DAPK1: variants seen among roughly 807,000 people sequenced by gnomAD.
DAPK1 encodes death associated protein kinase 1, also known as death-associated protein kinase 1.
DAPK1 carries 56 observed loss-of-function variants against 144.9 expected under a neutral mutation model. That is an observed-to-expected ratio of 0.39 (90% CI 0.31 to 0.48). DAPK1 has a LOEUF of 0.48. Ranked by LOEUF, DAPK1 falls within the 20% of genes least tolerant of loss-of-function variation. The probability of loss-of-function intolerance (pLI) is 0.95; values close to 1 mark genes in which losing one functional copy is unlikely to be tolerated. For synonymous variants in DAPK1, 690 were observed against 749.0 expected (o/e 0.92, Z 1.29); for missense variants, 1,454 against 1,875.4 (o/e 0.78, Z 4.15).
chr9:87,664,201 C>A (rs1004328932), intron 18 of DAPK1, among the ~76,000 whole-genome samples: 1 of 152,156 alleles, frequency 6.6e-6, no homozygotes, highest in Admixed American at 6.5e-5. Context: ...CCTCCCCTTC[C>A]CCTCTTCTCC....
At chr9:87,511,698 G>A (rs865992310) in intron 2 of DAPK1, among the ~76,000 whole-genome samples, 5 of 135,972 alleles carry the variant, frequency 3.7e-5, no homozygotes, top group Admixed American at 7.5e-5. Flanking sequence ...GTGTGTGTGT[G>A]TGTGTGTCTG....
At chr9:87,605,246 AC>A in intron 3 of DAPK1, 71 bp downstream of exon 3, 2 of 1,287,960 alleles carry the variant, frequency 1.6e-6, no homozygotes, top group Non-Finnish European at 2.2e-6. Flanking sequence ...TTCCAGCTGG[AC>A]CACGCCACAG....
intron 2 of DAPK1, among the ~76,000 whole-genome samples, chr9:87,513,837 G>C (rs965482015): frequency 6.6e-6 from 1 of 152,136 alleles, no homozygotes; most frequent in African/African-American, 2.4e-5. Context: ...TTTTCGCCTT[G>C]CTTCCTCTAA....
intron 2 of DAPK1, among the ~76,000 whole-genome samples, chr9:87,595,429 A>G (rs927804230): frequency 6.6e-6 from 1 of 152,144 alleles, no homozygotes; most frequent in African/African-American, 2.4e-5. Flanking sequence ...CCTCCTGCAA[A>G]GAGGTATCAT....
intron 18 of DAPK1, among the ~76,000 whole-genome samples, chr9:87,660,886 C>T (rs1231249106): frequency 2.0e-5 from 3 of 152,170 alleles, no homozygotes; most frequent in Admixed American, 2.0e-4. Context: ...TCGCTCTTCG[C>T]CAGGCTGGAA....
intron 2 of DAPK1, among the ~76,000 whole-genome samples, chr9:87,524,900 G>A (rs958397652): frequency 6.6e-6 from 1 of 152,174 alleles, no homozygotes; most frequent in African/African-American, 2.4e-5. Flanking sequence ...GAAAGGGTGG[G>A]AAGGGGGTGA....
intron 2 of DAPK1, among the ~76,000 whole-genome samples, chr9:87,519,030 C>T (rs931156926): frequency 1.3e-5 from 2 of 152,136 alleles, no homozygotes; most frequent in African/African-American, 4.8e-5. Context: ...TTGGCCAAGT[C>T]GAGTAAGTAA....
chr9:87,563,668 G>C (rs1264236053), intron 2 of DAPK1, among the ~76,000 whole-genome samples: 1 of 152,232 alleles, frequency 6.6e-6, no homozygotes, highest in Admixed American at 6.5e-5. Context: ...CCAGCCATCA[G>C]TCAGCACACA....
In DAPK1 at chr9:87,574,136, G is replaced by A. The variant is rs113113807; in HGVS notation, c.63-30818G>A. ...AGAAAGAAGAGAGAAAGAAAGTCAC[G>A]TCCTTTCCCATGAAAGACATTCCTT... On this transcript the variant is annotated intron_variant, in intron 2 of 25. Coordinates refer to ENST00000408954, the MANE Select transcript of DAPK1 (RefSeq NM_004938.4). Among the ~76,000 whole-genome samples the A allele has an allele frequency of 1.1e-4, 17 of 152,274 alleles. No homozygotes were observed. In the East Asian group the frequency reaches 1.2e-3, roughly 10 times the overall value.
At position 87,497,955 on chromosome 9, in the gene DAPK1, A is replaced by C. The variant is rs979026269; in HGVS notation, c.-261A>C. ...AGGGGACTCGGCAACTCGCAGCGGC[A>C]GGGTCTGGGGCCGGCGCCTGGGAGG... On this transcript the variant is annotated 5_prime_UTR_variant, in exon 1 of 26. Transcript: ENST00000408954. 3.0e-5 allele frequency: 12 copies of C among 396,568 alleles called. No individual in the cohort carries two copies. Among genetic ancestry groups the C allele is most frequent in the East Asian group, 1.8e-4 (5 of 28,012 alleles). 24.6% of individuals were successfully genotyped at this position (396,568 alleles called of 1,614,324 possible).
intron 2 of DAPK1, among the ~76,000 whole-genome samples, chr9:87,500,432 A>T (rs558470863): frequency 9.5e-4 from 145 of 152,296 alleles, no homozygotes; most frequent in African/African-American, 3.4e-3. Context: ...AAATAACTTT[A>T]CTGTGGTTTT....
chr9:87,499,331 G>GGCA (rs1824311488), intron 2 of DAPK1, 192 bp downstream of exon 2: 1 of 594,544 alleles, frequency 1.7e-6, no homozygotes, highest in Non-Finnish European at 3.0e-6. Flanking sequence ...GTGGAGGAGA[G>GGCA]GCAGCAGTTC....
intron 3 of DAPK1, among the ~76,000 whole-genome samples, chr9:87,623,734 A>G (rs1829391425): frequency 6.6e-6 from 1 of 152,030 alleles, no homozygotes; most frequent in East Asian, 1.9e-4. Context: ...TCGAGCTAAC[A>G]TTTCCTGTGC....
intron 2 of DAPK1, among the ~76,000 whole-genome samples, chr9:87,549,403 C>G (rs1826389315): frequency 6.6e-6 from 1 of 151,936 alleles, no homozygotes; most frequent in Non-Finnish European, 1.5e-5. Flanking sequence ...GTGAACATAC[C>G]CATACGTGTA....
chr9:87,513,846 A>G (rs1326497388), intron 2 of DAPK1, among the ~76,000 whole-genome samples: 4 of 152,144 alleles, frequency 2.6e-5, no homozygotes, highest in Non-Finnish European at 5.9e-5. Flanking sequence ...TGCTTCCTCT[A>G]AACCAGGTGT....
At chr9:87,631,601 G>T (rs1306393529) in intron 3 of DAPK1, among the ~76,000 whole-genome samples, 1 of 152,186 alleles carries the variant, frequency 6.6e-6, no homozygotes, top group Non-Finnish European at 1.5e-5. Context: ...TTCTAAATCT[G>T]CTGCACAGAC....
At chr9:87,627,777 G>A (rs1236372798) in intron 3 of DAPK1, among the ~76,000 whole-genome samples, 1 of 152,140 alleles carries the variant, frequency 6.6e-6, no homozygotes, top group African/African-American at 2.4e-5. Context: ...TGTAAACCTA[G>A]GACCTGGGCA....
In DAPK1 at chr9:87,668,593, A is replaced by T. The variant is rs781193518; in HGVS notation, c.1924-4A>T. ...AAAGAAACTAATGCATTTTTCTCCA[A>T]CAGGACGGAAAGACGGCAGAAGATC... On this transcript the variant is annotated splice_region_variant and splice_polypyrimidine_tract_variant and intron_variant, in intron 18 of 25. Transcript: ENST00000408954. 1 of 1,341,416 alleles carries T rather than the reference A, an allele frequency of 7.5e-7. No individual in the cohort carries two copies. The highest frequency in any genetic ancestry group is 2.3e-5 in the East Asian group (1 of 43,622). 83.1% of individuals were successfully genotyped at this position (1,341,416 alleles called of 1,614,324 possible).
chr9:87,638,339 G>A (rs1829975445), intron 4 of DAPK1, among the ~76,000 whole-genome samples: 1 of 147,034 alleles, frequency 6.8e-6, no homozygotes, highest in African/African-American at 2.6e-5. Flanking sequence ...GGGGTCTTAG[G>A]AGCCAGGTTT....
Sources: allele counts gnomAD v4.1 joint callset (sites outside exome capture counted in the v4.1 genomes callset), GRCh38; gene constraint gnomAD v4.1.1; transcripts MANE v1.5; gene names NCBI Gene and HGNC (gene_info 2026-07-23, HGNC 2026-07-21).